Variants in ATXN1 observed in about 807,000 individuals in gnomAD.
ATXN1 encodes ataxin-1.
Under a neutral mutation model 56.4 loss-of-function variants are expected in ATXN1, and 8 were observed. The observed-to-expected ratio is 0.14, with a 90% confidence interval of 0.08 to 0.26. ATXN1 has a LOEUF of 0.26. Among genes scored for constraint, ATXN1 ranks in the 10% least tolerant of loss-of-function variants. The pLI is 1.00. For missense variants in ATXN1, 987 were observed against 1,106.5 expected, an observed-to-expected ratio of 0.89 and a Z score of 1.53; for synonymous variants, 514 against 494.6, an observed-to-expected ratio of 1.04 and a Z score of -0.52.
At chr6:16,573,984 T>C (rs1659230965) in intron 4 of ATXN1, among the ~76,000 whole-genome samples, 1 of 152,224 alleles carries the variant, frequency 6.6e-6, no homozygotes, top group South Asian at 2.1e-4. Flanking sequence ...GATTGCTCTA[T>C]AATTGCTTCC....
chr6:16,627,880 A>C (rs1371945259), intron 3 of ATXN1, among the ~76,000 whole-genome samples: 5 of 152,212 alleles, frequency 3.3e-5, no homozygotes, highest in African/African-American at 1.2e-4. Flanking sequence ...TGAAGAAGAA[A>C]CAAGGACAAG....
At chr6:16,504,936 T>C (rs1420962548) in intron 5 of ATXN1, among the ~76,000 whole-genome samples, 2 of 151,640 alleles carry the variant, frequency 1.3e-5, no homozygotes, top group Non-Finnish European at 2.9e-5. Flanking sequence ...TGGTTCAGGC[T>C]CTAGAAAATA....
intron 2 of ATXN1, among the ~76,000 whole-genome samples, chr6:16,673,020 CA>C (rs559212594): frequency 2.0e-3 from 212 of 105,532 alleles, no homozygotes; most frequent in African/African-American, 5.2e-3. Context: ...TCCCCCCCGC[CA>C]AAAAAAAAAA....
intron 6 of ATXN1, among the ~76,000 whole-genome samples, chr6:16,444,623 T>C (rs1759596439): frequency 6.6e-6 from 1 of 152,220 alleles, no homozygotes; most frequent in Admixed American, 6.5e-5. Flanking sequence ...TCTAGTATAT[T>C]ATCCTGCTTT....
At chr6:16,355,273 A>G (rs77100378) in intron 6 of ATXN1, among the ~76,000 whole-genome samples, 1,566 of 152,354 alleles carry the variant, frequency 0.01, 33 homozygotes, top group African/African-American at 0.035. Flanking sequence ...CAGAGCACCT[A>G]AAACCAGGGG....
intron 2 of ATXN1, among the ~76,000 whole-genome samples, chr6:16,712,634 C>T (rs1371526470): frequency 1.3e-5 from 2 of 151,960 alleles, no homozygotes. Flanking sequence ...CTTCCTCCCT[C>T]GACACCTCTG....
chr6:16,637,516 TAAAA>T (rs1373900798), intron 3 of ATXN1, among the ~76,000 whole-genome samples: 1 of 149,754 alleles, frequency 6.7e-6, no homozygotes, highest in Non-Finnish European at 1.5e-5. Flanking sequence ...TAAAATAAAA[TAAAA>T]AAAGAAAAAG....
At chr6:16,749,214 A>G (rs1760633660) in intron 2 of ATXN1, among the ~76,000 whole-genome samples, 2 of 152,242 alleles carry the variant, frequency 1.3e-5, no homozygotes, top group South Asian at 4.1e-4. Flanking sequence ...CAGTAAATGA[A>G]TTGCCACAAA....
chr6:16,327,999 G>T lies in ATXN1; in HGVS notation c.312C>A (p.Ala104=), dbSNP rs775843756. The part of the protein sequence containing the change: ...RSVPVATTLP[A]AYATPQPGTP... ...TCCCTGGCTGCGGGGTGGCGTACGC[G>T]GCAGGCAGCGTGGTGGCCACGGGGA... is the stretch of plus-strand genomic sequence containing the variant. Residue 104 remains alanine (A), a synonymous_variant, in exon 7 of 8, where the codon GCC becomes GCA. Coordinates refer to ENST00000436367, the MANE Select transcript of ATXN1 (RefSeq NM_001128164.2). 1.2e-6 allele frequency: 2 copies of T among 1,613,612 alleles called. No individual in the cohort carries two copies. The highest frequency in any genetic ancestry group is 2.2e-5 in the South Asian group (2 of 91,032).
intron 4 of ATXN1, among the ~76,000 whole-genome samples, chr6:16,584,881 G>A (rs1188327691): frequency 6.6e-6 from 1 of 152,034 alleles, no homozygotes; most frequent in Non-Finnish European, 1.5e-5. Context: ...ATTAGCCTAA[G>A]GAAATAATTT....
intron 3 of ATXN1, among the ~76,000 whole-genome samples, chr6:16,642,994 G>C (rs1468898357): frequency 2.0e-5 from 3 of 152,146 alleles, no homozygotes; most frequent in Admixed American, 2.0e-4. Context: ...GAGTGTCCAG[G>C]CACAGTGGCT....
intron 2 of ATXN1, among the ~76,000 whole-genome samples, chr6:16,682,582 G>T (rs1319703736): frequency 6.6e-6 from 1 of 152,156 alleles, no homozygotes; most frequent in Non-Finnish European, 1.5e-5. Flanking sequence ...AGAAGAAAAA[G>T]AAAGGAACAT....
Position 16,306,902 on chromosome 6 carries a change from AC to A in ATXN1, c.1918-44del. On this transcript the variant is annotated intron_variant, in intron 7 of 7. Coordinates refer to ENST00000436367, the MANE Select transcript of ATXN1 (RefSeq NM_001128164.2). This position sits in a 1 kb window ranked among gnomAD's most constrained non-coding sequence, Gnocchi z 5.2. ...GACAGAGAGAGGAAGAAGGAAGGGA[AC>A]AAATGAAAACATTTTATTCTTGTTT... 6.5e-7 allele frequency: 1 copy of A among 1,532,026 alleles called. No homozygotes were observed. Among genetic ancestry groups the A allele is most frequent in the Non-Finnish European group, 8.8e-7 (1 of 1,142,036 alleles). The allele number at this position is 1,532,026 out of a possible 1,614,324, so 94.9% of individuals were successfully genotyped here.
intron 6 of ATXN1, among the ~76,000 whole-genome samples, chr6:16,428,862 G>A (rs1759215690): frequency 6.6e-6 from 1 of 152,218 alleles, no homozygotes; most frequent in Admixed American, 6.5e-5. Flanking sequence ...GAGGTTAATG[G>A]GTTTGCGGTT....
intron 6 of ATXN1, among the ~76,000 whole-genome samples, chr6:16,390,824 C>G (rs912061485): frequency 2.6e-5 from 4 of 152,018 alleles, no homozygotes; most frequent in Non-Finnish European, 4.4e-5. Flanking sequence ...AAACTGGCGT[C>G]AGTAACAGGT....
intron 4 of ATXN1, among the ~76,000 whole-genome samples, chr6:16,547,065 C>T (rs1420725207): frequency 6.6e-6 from 1 of 152,230 alleles, no homozygotes; most frequent in African/African-American, 2.4e-5. Flanking sequence ...GGAAAAGAAA[C>T]ATTCCCTCTC....
chr6:16,633,991 A>C (rs979183297), intron 3 of ATXN1, among the ~76,000 whole-genome samples: 3 of 152,074 alleles, frequency 2.0e-5, no homozygotes, highest in Non-Finnish European at 2.9e-5. Context: ...CTCTAAATTC[A>C]CTTGCTTCTG....
chr6:16,415,060 A>G (rs914035542), intron 6 of ATXN1, among the ~76,000 whole-genome samples: 2 of 152,218 alleles, frequency 1.3e-5, no homozygotes, highest in Non-Finnish European at 2.9e-5. Context: ...AGAAGCACCC[A>G]CTTTCCTAGC....
At chr6:16,473,600 G>A (rs898646098) in intron 6 of ATXN1, among the ~76,000 whole-genome samples, 7 of 152,156 alleles carry the variant, frequency 4.6e-5, no homozygotes, top group Non-Finnish European at 8.8e-5. Flanking sequence ...CACTTCCAGA[G>A]ACTGGAATCT....
Sources: allele counts gnomAD v4.1 joint callset (sites outside exome capture counted in the v4.1 genomes callset), GRCh38; gene constraint gnomAD v4.1.1; non-coding constraint Gnocchi (gnomAD v3.1); transcripts MANE v1.5; gene names NCBI Gene and HGNC (gene_info 2026-07-23, HGNC 2026-07-21).